The following IGFN1 variants were observed in gnomAD, a reference collection of about 807,000 sequenced individuals.
IGFN1 encodes immunoglobulin like and fibronectin type III domain containing 1.
A neutral mutation model predicts 289.5 loss-of-function variants in IGFN1; 253 were observed. The observed-to-expected ratio is 0.87, with a 90% CI of 0.79 to 0.97. IGFN1 has a LOEUF of 0.97. Ranked by LOEUF, IGFN1 falls within the 50% of genes least tolerant of loss-of-function variation. IGFN1 has a pLI of 0.00. For synonymous variants in IGFN1, 1,706 were observed against 1,788.5 expected (o/e 0.95, Z 1.16); for missense variants, 4,470 against 4,686.1 (o/e 0.95, Z 1.35).
chr1:201,221,855 T>C (rs193009996), intron 19 of IGFN1, 109 bp downstream of exon 19: 1 of 925,688 alleles, frequency 1.1e-6, no homozygotes, highest in Admixed American at 2.9e-5. Context: ...ACCCTCAGTT[T>C]CAGGAAGTAA....
Position 201,213,614 on chromosome 1 carries a change from T to C in IGFN1, c.8721T>C (p.Asp2907=), listed in dbSNP as rs535647868. The C allele has an allele frequency of 9.3e-6, 15 of 1,613,372 alleles. No individual in the cohort carries two copies. The highest frequency in any genetic ancestry group is 3.3e-4 in the Middle Eastern group (2 of 6,054). The change falls in exon 12 of 24, where the codon GAT becomes GAC. Residue 2907 remains aspartate (D), a synonymous_variant. Transcript: ENST00000335211. ...CTGGCACTGGCAGTTTCTCCAAGGA[T>C]GCCCAAGGTAGGTGCTTCTCTGCTG... ...YKPGTGSFSK[D]AQGPMGHFSQ... is the part of the protein sequence containing the mutation.
chr1:201,206,370 C>T lies in IGFN1; in HGVS notation c.1477C>T (p.Pro493Ser), dbSNP rs1311967891. ...CCCTGGACAGGAGGGCGAGGGCTTT[C>T]CAGTAGCAGAGGGAAGCAGAGCCAC... ...WGPGQEGEGFPVAEGSRATLP... is the reference protein window; with the variant it reads ...WGPGQEGEGFSVAEGSRATLP... Residue 493 changes from proline to serine, a missense_variant, in exon 12 of 24, where the codon CCA becomes TCA. Physicochemically the swap from Pro to Ser is moderately conservative, Grantham distance 74 (BLOSUM62 -1). Coordinates refer to ENST00000335211, the MANE Select transcript of IGFN1 (RefSeq NM_001164586.2). The T allele has an allele frequency of 1.9e-6, 3 of 1,550,404 alleles. No individual in the cohort carries two copies. The Admixed American group carries it at 5.9e-5, about 30-fold the overall frequency.
intron 1 of IGFN1, among the ~76,000 whole-genome samples, chr1:201,192,408 G>T (rs1666698067): frequency 1.3e-5 from 2 of 152,180 alleles, no homozygotes; most frequent in Admixed American, 1.3e-4. Flanking sequence ...CTGATTTATG[G>T]CTCTCATCCC....
rs1389335500 is a variant in IGFN1, at chr1:201,221,619, C to G, written c.10074C>G (p.Val3358=). 5.6e-6 allele frequency: 9 copies of G among 1,614,222 alleles called. No homozygotes were observed. The highest frequency in any genetic ancestry group is 1.3e-5 in the African/African-American group (1 of 75,064). Residue 3358 remains valine, a synonymous_variant, in exon 19 of 24, where the codon GTC becomes GTG. Transcript: ENST00000335211. ...CGTGCCATGTGGGCACCGTGCCAGT[C>G]ACCACCTACACGGCCAAGGGGCTTC... is the stretch of plus-strand genomic sequence containing the variant. The part of the protein sequence containing the change: ...WLPCHVGTVP[V]TTYTAKGLRP...
chr1:201,202,202 T>C (rs1667194377), intron 9 of IGFN1, among the ~76,000 whole-genome samples: 1 of 152,178 alleles, frequency 6.6e-6, no homozygotes, highest in Non-Finnish European at 1.5e-5. Context: ...AGTAATTATC[T>C]GCCAACCAGA....
Position 201,215,116 on chromosome 1 carries a change from C to G in IGFN1, c.8957C>G (p.Ala2986Gly), listed in dbSNP as rs770695894. ...CAAGCTGGGAGGTACACCTTTGTAG[C>G]TGGTGACCAGCAGAGCGAGGCCACC... The part of the protein sequence containing the change: ...GTQAGRYTFV[A>G]GDQQSEATLT... The change falls in exon 14 of 24, where the codon GCT becomes GGT. Residue 2986 changes from alanine to glycine, a missense_variant. Around this residue, in one of 8 missense-constraint regions of IGFN1, gnomAD observed 2,218 missense variants for 2,114.1 expected, o/e 1.05. Coordinates refer to ENST00000335211, the MANE Select transcript of IGFN1 (RefSeq NM_001164586.2). The G allele has an allele frequency of 6.2e-7, 1 of 1,613,978 alleles. No individual in the cohort carries two copies. Among genetic ancestry groups the G allele is most frequent in the South Asian group, 1.1e-5 (1 of 91,066 alleles).
intron 4 of IGFN1, among the ~76,000 whole-genome samples, chr1:201,196,344 A>G (rs914456506): frequency 1.3e-5 from 2 of 151,992 alleles, no homozygotes; most frequent in African/African-American, 4.8e-5. Flanking sequence ...TACTTTAAGG[A>G]GTTGTTATGA....
chr1:201,228,656 C>T lies in IGFN1; in HGVS notation c.*257C>T, dbSNP rs1366241561. The T allele has an allele frequency of 1.6e-5, 9 of 549,952 alleles. No homozygotes were observed. The highest frequency in any genetic ancestry group is 2.6e-5 in the Non-Finnish European group (8 of 307,870). The allele number at this position is 549,952 out of a possible 1,614,324, so 34.1% of individuals were successfully genotyped here. A position where few individuals can be genotyped will look rare whatever the true frequency, so the allele number is the denominator to read the frequency against. The stretch of plus-strand genomic sequence containing the variant: ...GACAGCGAACCTCCTGGACCCTCAC[C>T]ATATGGGTTTCTTTCTTCTTCGCTT... On this transcript the variant is annotated 3_prime_UTR_variant, in exon 24 of 24. Coordinates refer to ENST00000335211, the MANE Select transcript of IGFN1 (RefSeq NM_001164586.2).
Position 201,207,265 on chromosome 1 carries a change from T to C in IGFN1, c.2372T>C (p.Leu791Pro), listed in dbSNP as rs1667471909. 6.5e-7 allele frequency: 1 copy of C among 1,536,556 alleles called. No individual in the cohort carries two copies. Among genetic ancestry groups the C allele is most frequent in the South Asian group, 1.2e-5 (1 of 84,050 alleles). Residue 791 changes from leucine (L) to proline (P), a missense_variant, in exon 12 of 24, where the codon CTC (leucine) becomes CCC (proline). Leu to Pro is a moderately conservative substitution (Grantham distance 98). Transcript: ENST00000335211. The stretch of plus-strand genomic sequence containing the variant: ...GGCTGCGAAGGTGTCCTACAGGAGC[T>C]CAGGGGAAGGGATGGCCAGGAAACA... ...PRGCEGVLQE[L>P]RGRDGQETAW...
chr1:201,211,908 A>T lies in IGFN1; in HGVS notation c.7015A>T (p.Ser2339Cys). The change falls in exon 12 of 24, where the codon AGT becomes TGT. Residue 2339 changes from serine (S) to cysteine (C), a missense_variant. Around this residue, in one of 8 missense-constraint regions of IGFN1, gnomAD observed 2,218 missense variants for 2,114.1 expected, o/e 1.05. Coordinates refer to ENST00000335211, the MANE Select transcript of IGFN1 (RefSeq NM_001164586.2). ...TSGMGSGSEV[S>C]YRGGSGGSGE... ...TGGCATGGGGTCAGGGAGTGAGGTC[A>T]GTTATAGAGGAGGCTCAGGAGGATC... 1 of 1,528,132 alleles carries T rather than the reference A, an allele frequency of 6.5e-7. No individual in the cohort carries two copies. The highest frequency in any genetic ancestry group is 2.4e-5 in the East Asian group (1 of 40,850). The allele number at this position is 1,528,132 out of a possible 1,614,324, so 94.7% of individuals were successfully genotyped here.
At position 201,205,252 on chromosome 1, in the gene IGFN1, C is replaced by T; in HGVS notation, c.1087C>T (p.Leu363=). ...KYEVYVSPDG[L]THRLVVRGAR... ...TGAAGTGTATGTGTCCCCTGACGGG[C>T]TGACCCACCGGCTGGTGGTGAGGGG... Residue 363 remains leucine, a synonymous_variant, in exon 11 of 24, where the codon CTG becomes TTG. Transcript: ENST00000335211. The T allele has an allele frequency of 6.4e-7, 1 of 1,551,000 alleles. No homozygotes were observed. The highest frequency in any genetic ancestry group is 8.7e-7 in the Non-Finnish European group (1 of 1,146,956).
In IGFN1 at chr1:201,224,734, G is replaced by T. The variant is rs1653966982; in HGVS notation, c.10346G>T (p.Arg3449Ile). ...AAGGATGGCTTGCCCTTGCCCAAAA[G>T]AAGTGTGACTGTCACTAAGGATGGC... Reference protein sequence around the residue: ...WLKDGLPLPKRSVTVTKDGLT... With the variant: ...WLKDGLPLPKISVTVTKDGLT... The change falls in exon 21 of 24, where the codon AGA becomes ATA. Residue 3449 changes from arginine (R) to isoleucine (I), a missense_variant. Coordinates refer to ENST00000335211, the MANE Select transcript of IGFN1 (RefSeq NM_001164586.2). 1 of 1,614,096 alleles carries T rather than the reference G, an allele frequency of 6.2e-7. No individual in the cohort carries two copies. Among genetic ancestry groups the T allele is most frequent in the Non-Finnish European group, 8.5e-7 (1 of 1,180,042 alleles).
In IGFN1 at chr1:201,221,755, T is replaced by C. The variant is rs187572392; in HGVS notation, c.10201+9T>C. 7.3e-5 allele frequency: 114 copies of C among 1,567,354 alleles called. No individual in the cohort carries two copies. Among genetic ancestry groups the C allele is most frequent in the Admixed American group, 2.6e-4 (15 of 56,870 alleles). ...AGCCATGCCTGTTACTGGTGAGTGC[T>C]GCCTCCTTCCCCGACCCCTGAGCCC... On this transcript the variant is annotated intron_variant, in intron 19 of 23. Coordinates refer to ENST00000335211, the MANE Select transcript of IGFN1 (RefSeq NM_001164586.2).
Position 201,212,103 on chromosome 1 carries a change from G to C in IGFN1, c.7210G>C (p.Asp2404His), listed in dbSNP as rs1426782527. The C allele has an allele frequency of 2.1e-5, 32 of 1,536,386 alleles. No homozygotes were observed. The highest frequency in any genetic ancestry group is 1.9e-4 in the South Asian group (16 of 84,062). Residue 2404 changes from aspartate to histidine, a missense_variant, in exon 12 of 24, where the codon GAT becomes CAT. Asp to His is a moderately conservative substitution (Grantham distance 81). Transcript: ENST00000335211. ...VASEGDTNSKDGPERARETRL... is the reference protein window; with the variant it reads ...VASEGDTNSKHGPERARETRL... ...ATCAGAGGGTGACACGAACTCCAAG[G>C]ATGGTCCAGAGCGAGCCAGGGAAAC...
chr1:201,215,907 A>G (rs1571479885), intron 15 of IGFN1, 69 bp downstream of exon 15: 1 of 1,471,292 alleles, frequency 6.8e-7, no homozygotes, highest in Non-Finnish European at 9.4e-7. Flanking sequence ...CCTGCCATCA[A>G]GGGCAGGCCT....
chr1:201,191,530 CT>C (rs1666658827), intron 1 of IGFN1, among the ~76,000 whole-genome samples: 2 of 152,158 alleles, frequency 1.3e-5, no homozygotes, highest in African/African-American at 4.8e-5. Context: ...AACTGGAGTT[CT>C]TCTCAAATGT....
In IGFN1 at chr1:201,216,407, A is replaced by G; in HGVS notation, c.9296-47A>G. 3 of 1,460,876 alleles carry G rather than the reference A, an allele frequency of 2.1e-6. No homozygotes were observed. The Admixed American group carries it at 7.0e-5, about 34-fold the overall frequency. The allele number at this position is 1,460,876 out of a possible 1,614,324, so 90.5% of individuals were successfully genotyped here. On this transcript the variant is annotated intron_variant, in intron 15 of 23. Coordinates refer to ENST00000335211, the MANE Select transcript of IGFN1 (RefSeq NM_001164586.2). ...GGGGGGGTTGGCGCTGCTCCCCTCC[A>G]GCTCCTCTGACCCCTCCTCTTCCCG...
chr1:201,215,299 A>G (rs576125099), intron 14 of IGFN1, 145 bp downstream of exon 14: 1 of 1,032,610 alleles, frequency 9.7e-7, no homozygotes, highest in Admixed American at 2.9e-5. Flanking sequence ...TGATTTAAAA[A>G]GCCGACTCAT....
At position 201,206,220 on chromosome 1, in the gene IGFN1, G is replaced by A. The variant is rs1353700748; in HGVS notation, c.1327G>A (p.Gly443Ser). 2 of 1,548,176 alleles carry A rather than the reference G, an allele frequency of 1.3e-6. No individual in the cohort carries two copies. The highest frequency in any genetic ancestry group is 8.7e-7 in the Non-Finnish European group (1 of 1,146,184). The change falls in exon 12 of 24, where the codon GGC becomes AGC. Residue 443 changes from glycine (G) to serine (S), a missense_variant. Physicochemically the swap from Gly to Ser is moderately conservative, Grantham distance 56 (BLOSUM62 0). Coordinates refer to ENST00000335211, the MANE Select transcript of IGFN1 (RefSeq NM_001164586.2). ...ATCCAGAGAGCAGGGCCCCAGGGGG[G>A]GCTCCCTTGAAGGGGCTGGGCCGGC... Reference protein sequence around the residue: ...EKSREQGPRGGSLEGAGPASG... With the variant: ...EKSREQGPRGSSLEGAGPASG...
Sources: gnomAD v4.1 joint callset for allele counts (sites outside exome capture counted in the v4.1 genomes callset) on GRCh38, gnomAD v4.1.1 for gene constraint, gnomAD v4.1.1 regional missense constraint, MANE v1.5 for transcripts, NCBI Gene and HGNC (gene_info 2026-07-23, HGNC 2026-07-21) for gene names.